GAS2: variants seen among roughly 807,000 people sequenced by gnomAD.
The protein encoded by GAS2 is growth arrest specific 2.
GAS2 carries 20 observed loss-of-function variants against 37.5 expected under a neutral mutation model. The ratio of observed to expected loss-of-function variants is 0.53; its 90% CI spans 0.37 to 0.77. GAS2 has a LOEUF of 0.77. GAS2 is among the 30% of genes least tolerant of loss of function. The probability of loss-of-function intolerance (pLI) is 0.00; values close to 1 mark genes in which losing one functional copy is unlikely to be tolerated. For synonymous variants in GAS2, 144 were observed against 132.2 expected (o/e 1.09, Z -0.61); for missense variants, 336 against 373.4 (o/e 0.90, Z 0.82).
intron 7 of GAS2, among the ~76,000 whole-genome samples, chr11:22,782,733 A>G (rs1201513013): frequency 6.7e-6 from 1 of 148,856 alleles, no homozygotes; most frequent in Non-Finnish European, 1.5e-5. Flanking sequence ...GCTGCAAAAA[A>G]AAAAAAAATA....
At chr11:22,706,416 G>A (rs146346231) in intron 3 of GAS2, among the ~76,000 whole-genome samples, 77 of 151,878 alleles carry the variant, frequency 5.1e-4, no homozygotes, top group African/African-American at 1.8e-3. Flanking sequence ...CATGTGCCAC[G>A]CTGGTGCACT....
intron 5 of GAS2, among the ~76,000 whole-genome samples, chr11:22,744,729 T>C (rs528191646): frequency 6.6e-6 from 1 of 152,188 alleles, no homozygotes; most frequent in South Asian, 2.1e-4. Flanking sequence ...ACTGGAAGCA[T>C]TTCCCTTAAG....
intron 3 of GAS2, among the ~76,000 whole-genome samples, chr11:22,720,240 T>C (rs971134683): frequency 6.6e-6 from 1 of 152,066 alleles, no homozygotes; most frequent in African/African-American, 2.4e-5. Flanking sequence ...TAAGATCTGT[T>C]CTATATAAAG....
chr11:22,800,272 C>A (rs187156492), intron 7 of GAS2, among the ~76,000 whole-genome samples: 1 of 152,168 alleles, frequency 6.6e-6, no homozygotes, highest in African/African-American at 2.4e-5. Flanking sequence ...GTCAAATTTT[C>A]CACATTATGT....
At chr11:22,758,926 A>AAAAAAAAAAAG (rs1854209303) in intron 7 of GAS2, among the ~76,000 whole-genome samples, 1 of 150,798 alleles carries the variant, frequency 6.6e-6, no homozygotes, top group Non-Finnish European at 1.5e-5. Context: ...AAAAAAAAAA[A>AAAAAAAAAAAG]AGAGAAAGTC....
At chr11:22,737,665 C>T in intron 4 of GAS2, 40 bp from the exon 5 acceptor site, 1 of 1,598,720 alleles carries the variant, frequency 6.3e-7, no homozygotes. Flanking sequence ...CTGCTTATTC[C>T]TTCTATTGTA....
At chr11:22,731,460 A>T (rs970995701) in intron 4 of GAS2, 1 of 314,988 alleles carries the variant, frequency 3.2e-6, no homozygotes, top group Non-Finnish European at 6.3e-6. Context: ...TTTTAAAAAA[A>T]TTTATTTTCT....
intron 4 of GAS2, among the ~76,000 whole-genome samples, chr11:22,729,413 G>A (rs963108775): frequency 5.9e-5 from 9 of 151,872 alleles, no homozygotes; most frequent in African/African-American, 2.2e-4. Context: ...CTGGGGAGAA[G>A]GGAGAGCAAC....
At chr11:22,640,318 A>G (rs956557797) in intron 1 of GAS2, among the ~76,000 whole-genome samples, 1 of 152,214 alleles carries the variant, frequency 6.6e-6, no homozygotes, top group African/African-American at 2.4e-5. Flanking sequence ...TTAGAGCTTC[A>G]TCAACACTTT....
chr11:22,757,819 C>A (rs1854132743), intron 7 of GAS2, among the ~76,000 whole-genome samples: 1 of 152,108 alleles, frequency 6.6e-6, no homozygotes, highest in South Asian at 2.1e-4. Flanking sequence ...GATTGAAATA[C>A]CTATCCTTTG....
chr11:22,776,885 G>A (rs1499244), intron 7 of GAS2, among the ~76,000 whole-genome samples: 82,724 of 151,958 alleles, frequency 0.54, 23,079 homozygotes, highest in South Asian at 0.7. Flanking sequence ...TGAAGTGTGT[G>A]GACAGTGTTA....
chr11:22,632,639 A>T (rs1484393673), intron 1 of GAS2, among the ~76,000 whole-genome samples: 2 of 152,220 alleles, frequency 1.3e-5, no homozygotes, highest in African/African-American at 4.8e-5. Context: ...TCCCTCAAAT[A>T]AATAAGTTTT....
chr11:22,768,483 C>T (rs1854810445), intron 7 of GAS2, among the ~76,000 whole-genome samples: 1 of 152,180 alleles, frequency 6.6e-6, no homozygotes, highest in African/African-American at 2.4e-5. Flanking sequence ...ACAGCTTGCC[C>T]TTCAAACACT....
At chr11:22,707,057 G>C (rs868845593) in intron 3 of GAS2, among the ~76,000 whole-genome samples, 4 of 152,086 alleles carry the variant, frequency 2.6e-5, no homozygotes, top group Non-Finnish European at 5.9e-5. Flanking sequence ...TCTCATTGTG[G>C]TTTTGATTTG....
chr11:22,715,995 G>A (rs1181700792), intron 3 of GAS2, among the ~76,000 whole-genome samples: 3 of 152,040 alleles, frequency 2.0e-5, no homozygotes, highest in Middle Eastern at 3.2e-3. Flanking sequence ...AACATAATCC[G>A]CCATGATCAA....
At chr11:22,778,233 T>G (rs1855365011) in intron 7 of GAS2, among the ~76,000 whole-genome samples, 2 of 152,226 alleles carry the variant, frequency 1.3e-5, no homozygotes, top group Non-Finnish European at 2.9e-5. Context: ...GTGACTCATC[T>G]ATAATGTGAA....
At chr11:22,713,521 T>C (rs1851514672) in intron 3 of GAS2, among the ~76,000 whole-genome samples, 1 of 152,064 alleles carries the variant, frequency 6.6e-6, no homozygotes, top group Non-Finnish European at 1.5e-5. Flanking sequence ...GGTAAACTAA[T>C]CACGAACACA....
intron 7 of GAS2, among the ~76,000 whole-genome samples, chr11:22,789,607 G>T (rs1405003711): frequency 6.7e-6 from 1 of 148,286 alleles, no homozygotes; most frequent in African/African-American, 2.5e-5. Context: ...GACTACAGGC[G>T]CCCGCCACCA....
chr11:22,685,142 C>A (rs760752226), intron 2 of GAS2, among the ~76,000 whole-genome samples: 1 of 146,502 alleles, frequency 6.8e-6, no homozygotes, highest in African/African-American at 2.8e-5. Context: ...CTCCAGATTG[C>A]GTGACAGAGT....
Sources: gnomAD v4.1 joint callset for allele counts (sites outside exome capture counted in the v4.1 genomes callset) on GRCh38, gnomAD v4.1.1 for gene constraint, MANE v1.5 for transcripts, NCBI Gene and HGNC (gene_info 2026-07-23, HGNC 2026-07-21) for gene names.